The following RELN variants were observed in gnomAD, a reference collection of about 807,000 sequenced individuals.
RELN encodes the protein reelin.
A neutral mutation model predicts 427.6 loss-of-function variants in RELN; 108 were observed. That is an observed-to-expected ratio of 0.25 (90% CI 0.22 to 0.30). RELN has a LOEUF of 0.30. Ranked by LOEUF, RELN falls within the 10% of genes least tolerant of loss-of-function variation. The probability of loss-of-function intolerance (pLI) is 1.00; values close to 1 mark genes in which losing one functional copy is unlikely to be tolerated. For synonymous variants in RELN, 1,524 were observed against 1,513.4 expected (o/e 1.01, Z -0.16); for missense variants, 3,715 against 4,302.8 (o/e 0.86, Z 3.82).
In RELN at chr7:103,894,983, G is replaced by T. The variant is rs80313391; in HGVS notation, c.337+22092C>A. On this transcript the variant is annotated intron_variant, in intron 2 of 64. Transcript: ENST00000428762. Reference sequence around the variant, plus strand: ...CAACCATGTAATCTTTACATAATGTGTATATTTATTTTTTTATTTGACAGG... The same window carrying T: ...CAACCATGTAATCTTTACATAATGTTTATATTTATTTTTTTATTTGACAGG... 3.9e-3 allele frequency among the ~76,000 whole-genome samples: 599 copies of T among 152,162 alleles called. 22 individuals carry two copies. In the East Asian group the frequency reaches 0.072, roughly 18 times the overall value.
chr7:103,951,118 AT>A (rs1376972825), intron 1 of RELN, among the ~76,000 whole-genome samples: 9 of 152,162 alleles, frequency 5.9e-5, no homozygotes, highest in Admixed American at 1.3e-4. Context: ...TTTAGTAGAG[AT>A]GGGGTTTCAC....
At position 103,604,367 on chromosome 7, in the gene RELN, G is replaced by A. The variant is rs41276145; in HGVS notation, c.3125C>T (p.Ser1042Leu). 158 of 1,613,828 alleles carry A rather than the reference G, an allele frequency of 9.8e-5. No homozygotes were observed. The highest frequency in any genetic ancestry group is 1.3e-4 in the Admixed American group (8 of 59,996). The part of the protein sequence containing the change: ...QCPNMCSGHG[S>L]CDHGICRCDQ... ...ATACCTGCATATGCCATGATCGCAT[G>A]AGCCATGCCCACTGCACATGTTGGG... Residue 1042 changes from serine (S) to leucine (L), a missense_variant, in exon 23 of 65, where the codon TCA (serine) becomes TTA (leucine). Ser to Leu is a moderately radical substitution (Grantham distance 145). Transcript: ENST00000428762.
chr7:103,827,379 T>C (rs1412675152), intron 3 of RELN, among the ~76,000 whole-genome samples: 8 of 152,026 alleles, frequency 5.3e-5, no homozygotes, highest in Non-Finnish European at 1.2e-4. Context: ...GGGAATAGTT[T>C]TGCCCATTGA....
chr7:103,496,806 GAAT>G (rs760864158), intron 55 of RELN, 38 bp from the exon 56 acceptor site: 66 of 1,609,126 alleles, frequency 4.1e-5, no homozygotes, highest in Non-Finnish European at 5.6e-5. Context: ...AATATATCTA[GAAT>G]CTCCTGCCTC....
At chr7:103,557,283 T>C in intron 37 of RELN, 124 bp from the exon 38 acceptor site, 1 of 825,636 alleles carries the variant, frequency 1.2e-6, no homozygotes, top group Non-Finnish European at 2.0e-6. Context: ...AGCTTTATAG[T>C]CCAAATGCTT....
intron 4 of RELN, among the ~76,000 whole-genome samples, chr7:103,776,149 A>G (rs1365159949): frequency 2.0e-5 from 3 of 152,236 alleles, no homozygotes; most frequent in Non-Finnish European, 2.9e-5. Flanking sequence ...AAACAGGCCC[A>G]TAGATACTGT....
intron 2 of RELN, among the ~76,000 whole-genome samples, chr7:103,898,650 C>T (rs1795015002): frequency 6.6e-6 from 1 of 151,668 alleles, no homozygotes; most frequent in East Asian, 1.9e-4. Context: ...GTGTCTCATA[C>T]TGTTGTAATT....
chr7:103,485,691 C>G (rs1213539453), intron 61 of RELN, among the ~76,000 whole-genome samples: 2 of 152,114 alleles, frequency 1.3e-5, no homozygotes, highest in Admixed American at 6.5e-5. Flanking sequence ...TGCATTAACC[C>G]TCAGCAATTT....
intron 7 of RELN, among the ~76,000 whole-genome samples, chr7:103,726,325 C>T (rs1790211168): frequency 6.6e-6 from 1 of 152,094 alleles, no homozygotes; most frequent in African/African-American, 2.4e-5. Context: ...CAATCTGTTT[C>T]ATTTTATTCC....
chr7:103,574,067 A>G lies in RELN; in HGVS notation c.4511+25T>C, dbSNP rs149568163. 421 of 1,564,980 alleles carry G rather than the reference A, an allele frequency of 2.7e-4. 3 individuals carry two copies. The African/African-American group carries it at 5.1e-3, about 19-fold the overall frequency. On this transcript the variant is annotated intron_variant, in intron 30 of 64. Transcript: ENST00000428762. ...TGTGGTAAATAATATGTTTGTGAAA[A>G]AGTATACCAGTTAATACTTGTTACC... is the stretch of plus-strand genomic sequence containing the variant.
intron 4 of RELN, among the ~76,000 whole-genome samples, chr7:103,763,910 T>C (rs559127923): frequency 1.3e-5 from 2 of 151,940 alleles, no homozygotes; most frequent in African/African-American, 4.8e-5. Flanking sequence ...AAAATGGCAG[T>C]GGGCATGGAA....
chr7:103,972,780 C>T (rs1490499279), intron 1 of RELN, among the ~76,000 whole-genome samples: 1 of 152,104 alleles, frequency 6.6e-6, no homozygotes, highest in African/African-American at 2.4e-5. Flanking sequence ...TTAGAAAGAA[C>T]AAGAAACCTA....
chr7:103,590,517 G>A (rs1331159564), intron 27 of RELN, among the ~76,000 whole-genome samples: 1 of 151,912 alleles, frequency 6.6e-6, no homozygotes, highest in African/African-American at 2.4e-5. Flanking sequence ...CTGAGATCAC[G>A]CCATTGCACT....
chr7:103,594,993 A>G (rs1411340267), intron 25 of RELN, among the ~76,000 whole-genome samples: 1 of 152,194 alleles, frequency 6.6e-6, no homozygotes, highest in Non-Finnish European at 1.5e-5. Context: ...AATCTTTTAT[A>G]TAGGCAAGGC....
At chr7:103,892,970 AAG>A (rs1230154277) in intron 2 of RELN, among the ~76,000 whole-genome samples, 1 of 152,166 alleles carries the variant, frequency 6.6e-6, no homozygotes, top group Non-Finnish European at 1.5e-5. Context: ...TTTGAAAGAG[AAG>A]AGAGGGGGAC....
intron 3 of RELN, among the ~76,000 whole-genome samples, chr7:103,778,609 TG>T (rs1791809487): frequency 1.3e-5 from 2 of 152,262 alleles, no homozygotes; most frequent in African/African-American, 4.8e-5. Context: ...TACCAACATC[TG>T]CTAGTCACTT....
At position 103,500,832 on chromosome 7, in the gene RELN, G is replaced by A. The variant is rs778305016; in HGVS notation, c.8580C>T (p.Cys2860=). The change falls in exon 53 of 65, where the codon TGC becomes TGT. Residue 2860 remains cysteine (C), a synonymous_variant. Transcript: ENST00000428762. ...FYLGPGCLDN[C]RGHGDCLREQ... ...CCCTTAAGCAATCTCCATGGCCCCT[G>A]CAGTTGTCCAAGCATCCAGGGCCCA... 5.0e-6 allele frequency: 8 copies of A among 1,613,970 alleles called. No individual in the cohort carries two copies. The highest frequency in any genetic ancestry group is 4.0e-5 in the African/African-American group (3 of 74,892).
At chr7:103,643,267 C>T (rs2073554) in intron 16 of RELN, among the ~76,000 whole-genome samples, 2 of 152,128 alleles carry the variant, frequency 1.3e-5, no homozygotes, top group South Asian at 2.1e-4. Context: ...TTTGTCCCTT[C>T]TCCTCTCTTT....
intron 17 of RELN, among the ~76,000 whole-genome samples, chr7:103,638,765 A>G (rs2117357531): frequency 6.6e-6 from 1 of 152,338 alleles, no homozygotes; most frequent in South Asian, 2.1e-4. Context: ...ATTCGGAATA[A>G]TGGATGGTGT....
Sources: allele counts gnomAD v4.1 joint callset (sites outside exome capture counted in the v4.1 genomes callset), GRCh38; gene constraint gnomAD v4.1.1; transcripts MANE v1.5; gene names NCBI Gene and HGNC (gene_info 2026-07-23, HGNC 2026-07-21).